HDAC9: variants seen among roughly 807,000 people sequenced by gnomAD.
HDAC9 encodes histone deacetylase 9.
A neutral mutation model predicts 139.4 loss-of-function variants in HDAC9; 41 were observed. The ratio of observed to expected loss-of-function variants is 0.29; its 90% confidence interval spans 0.23 to 0.38. The LOEUF (loss-of-function observed/expected upper bound fraction) is 0.38, where lower values mean the gene tolerates loss of function less well. Among genes scored for constraint, HDAC9 ranks in the 10% least tolerant of loss-of-function variants. The pLI, the probability that HDAC9 is intolerant of heterozygous loss-of-function variation, is 1.00. For synonymous variants in HDAC9, 517 were observed against 476.2 expected, an observed-to-expected ratio of 1.09 and a Z score of -1.12; for missense variants, 1,147 against 1,297.0, an observed-to-expected ratio of 0.88 and a Z score of 1.78.
chr7:18,890,573 A>G (rs182050048), intron 22 of HDAC9, among the ~76,000 whole-genome samples: 6 of 152,352 alleles, frequency 3.9e-5, no homozygotes, highest in African/African-American at 1.4e-4. Context: ...CATTTCCATA[A>G]ACATTTCAAA....
chr7:18,243,926 T>C (rs534445647), intron 2 of HDAC9, among the ~76,000 whole-genome samples: 1 of 152,278 alleles, frequency 6.6e-6, no homozygotes, highest in Non-Finnish European at 1.5e-5. Flanking sequence ...GTAATGATAA[T>C]GATTATGTGA....
intron 19 of HDAC9, among the ~76,000 whole-genome samples, chr7:18,834,210 G>C (rs1452775535): frequency 6.6e-6 from 1 of 152,132 alleles, no homozygotes; most frequent in Non-Finnish European, 1.5e-5. Flanking sequence ...CTAATATAAA[G>C]TAAGTATATA....
At chr7:18,854,689 G>C (rs760463957) in intron 21 of HDAC9, among the ~76,000 whole-genome samples, 1 of 151,802 alleles carries the variant, frequency 6.6e-6, no homozygotes, top group African/African-American at 2.4e-5. Context: ...ATAGAGAAAA[G>C]TATAAAAAGT....
intron 1 of HDAC9, among the ~76,000 whole-genome samples, chr7:18,313,873 C>A (rs1326216625): frequency 6.6e-6 from 1 of 152,146 alleles, no homozygotes; most frequent in Admixed American, 6.6e-5. Context: ...AGTTGGACTG[C>A]AATCATGTTC....
chr7:18,090,290 A>G (rs1242993137), intron 1 of HDAC9, among the ~76,000 whole-genome samples: 1 of 152,118 alleles, frequency 6.6e-6, no homozygotes, highest in Non-Finnish European at 1.5e-5. Context: ...AAATTTATGT[A>G]TTTCTAGATT....
At chr7:18,427,625 T>C (rs1200459484) in intron 1 of HDAC9, among the ~76,000 whole-genome samples, 2 of 151,484 alleles carry the variant, frequency 1.3e-5, no homozygotes, top group South Asian at 2.1e-4. Flanking sequence ...TTCTCATTGA[T>C]CTCCTTGGTT....
At chr7:18,315,089 A>G (rs139720868) in intron 1 of HDAC9, among the ~76,000 whole-genome samples, 19 of 152,358 alleles carry the variant, frequency 1.2e-4, no homozygotes, top group African/African-American at 4.6e-4. Context: ...GTATCAGAAC[A>G]GAATGCATTT....
chr7:18,727,492 A>T (rs1785643137), intron 12 of HDAC9, 88 bp from the exon 13 acceptor site: 2 of 1,108,606 alleles, frequency 1.8e-6, no homozygotes, highest in African/African-American at 1.6e-5. Flanking sequence ...CTCTGACCTG[A>T]TGAACTTAAT....
chr7:18,152,581 G>A (rs1786860866), intron 1 of HDAC9, among the ~76,000 whole-genome samples: 1 of 152,172 alleles, frequency 6.6e-6, no homozygotes, highest in Non-Finnish European at 1.5e-5. Flanking sequence ...AGTCCTGAGT[G>A]TCTGCATCTG....
chr7:18,292,769 A>G (rs1797893222), intron 1 of HDAC9, among the ~76,000 whole-genome samples: 1 of 152,138 alleles, frequency 6.6e-6, no homozygotes, highest in Non-Finnish European at 1.5e-5. Context: ...ATAAACATTG[A>G]TGCGCTGCAG....
At chr7:18,741,056 C>T (rs1472919983) in intron 13 of HDAC9, among the ~76,000 whole-genome samples, 2 of 152,114 alleles carry the variant, frequency 1.3e-5, no homozygotes, top group African/African-American at 4.8e-5. Context: ...AGGAAAGAAG[C>T]CGTCTCTGTA....
intron 1 of HDAC9, among the ~76,000 whole-genome samples, chr7:18,088,311 A>G (rs1452740889): frequency 6.6e-6 from 1 of 152,220 alleles, no homozygotes; most frequent in Admixed American, 6.5e-5. Context: ...CCCAAATGGT[A>G]TAACAATGCA....
intron 6 of HDAC9, among the ~76,000 whole-genome samples, chr7:18,616,684 A>T (rs541832318): frequency 5.8e-4 from 89 of 152,314 alleles, no homozygotes; most frequent in African/African-American, 2.0e-3. Context: ...AGCAAAATAA[A>T]TAATAACAGA....
chr7:18,457,172 T>C (rs1793421422), intron 1 of HDAC9, among the ~76,000 whole-genome samples: 1 of 152,224 alleles, frequency 6.6e-6, no homozygotes, highest in South Asian at 2.1e-4. Flanking sequence ...TAACCCTTGC[T>C]AATGAGAAAG....
At chr7:18,483,896 T>C (rs1795773082) in intron 1 of HDAC9, among the ~76,000 whole-genome samples, 1 of 152,156 alleles carries the variant, frequency 6.6e-6, no homozygotes, top group African/African-American at 2.4e-5. Flanking sequence ...CTGTTTTCTA[T>C]CAACTGATTT....
chr7:18,141,139 T>G (rs541103168), intron 1 of HDAC9, among the ~76,000 whole-genome samples: 17 of 152,340 alleles, frequency 1.1e-4, no homozygotes, highest in Admixed American at 5.2e-4. Flanking sequence ...TGTTCTGTAA[T>G]GAGTGTTTTG....
At chr7:18,595,514 A>G (rs1029543519) in intron 6 of HDAC9, among the ~76,000 whole-genome samples, 5 of 152,094 alleles carry the variant, frequency 3.3e-5, no homozygotes, top group African/African-American at 1.2e-4. Context: ...GAGTAGCATG[A>G]GTAGGAGCTA....
At chr7:18,496,573 T>C in intron 2 of HDAC9, 1 of 495,086 alleles carries the variant, frequency 2.0e-6, no homozygotes, top group Admixed American at 3.5e-5. Context: ...AAGATGAGAC[T>C]GAGATAAGTA....
At chr7:18,393,379 A>T (rs1786723979) in intron 1 of HDAC9, among the ~76,000 whole-genome samples, 1 of 152,178 alleles carries the variant, frequency 6.6e-6, no homozygotes, top group African/African-American at 2.4e-5. Flanking sequence ...TTAGACCTGG[A>T]TAGTAAAGGA....
Sources: gnomAD v4.1 joint callset for allele counts (sites outside exome capture counted in the v4.1 genomes callset) on GRCh38, gnomAD v4.1.1 for gene constraint, MANE v1.5 for transcripts, NCBI Gene and HGNC (gene_info 2026-07-23, HGNC 2026-07-21) for gene names.